The following SEC24B variants were observed in gnomAD, a reference collection of about 807,000 sequenced individuals.
SEC24B encodes SEC24 homolog B, COPII component, also known as protein transport protein Sec24B.
Under a neutral mutation model 142.8 loss-of-function variants are expected in SEC24B, and 45 were observed. The observed-to-expected ratio is 0.32, with a 90% CI of 0.25 to 0.40. The LOEUF is 0.40. Among genes scored for constraint, SEC24B ranks in the 10% least tolerant of loss-of-function variants. The pLI is 1.00. For missense variants in SEC24B, 1,409 were observed against 1,526.8 expected (o/e 0.92, Z 1.29); for synonymous variants, 574 against 568.2 (o/e 1.01, Z -0.15).
intron 1 of SEC24B, among the ~76,000 whole-genome samples, chr4:109,458,806 G>C (rs1232038308): frequency 6.6e-6 from 1 of 150,882 alleles, no homozygotes; most frequent in Non-Finnish European, 1.5e-5. Context: ...GGAAGATTAA[G>C]ATGATTTTTA....
chr4:109,502,014 T>C (rs1008872164), intron 6 of SEC24B, among the ~76,000 whole-genome samples: 3 of 152,236 alleles, frequency 2.0e-5, no homozygotes, highest in African/African-American at 7.2e-5. Flanking sequence ...AAGTAGTTTC[T>C]GGGGTGAAAA....
rs190947614 is a variant in SEC24B at position 109,527,543 on chromosome 4, C to T, written c.3076+111C>T. 1.5e-3 allele frequency: 1,129 copies of T among 739,404 alleles called. 8 individuals carry two copies. The highest frequency in any genetic ancestry group is 7.5e-3 in the African/African-American group (427 of 56,714). 45.8% of individuals were successfully genotyped at this position (739,404 alleles called of 1,614,324 possible). A position where few individuals can be genotyped will look rare whatever the true frequency, so the allele number is the denominator to read the frequency against. Reference sequence around the variant, plus strand: ...ATCCCAGCATTTTGGGAGGCTGAGGCGGACGGACCACGAGGTCAGGAGTTT... The same window carrying T: ...ATCCCAGCATTTTGGGAGGCTGAGGTGGACGGACCACGAGGTCAGGAGTTT... On this transcript the variant is annotated intron_variant, in intron 18 of 23. Transcript: ENST00000265175.
chr4:109,470,269 T>C (rs1732375742), intron 2 of SEC24B, among the ~76,000 whole-genome samples: 7 of 152,242 alleles, frequency 4.6e-5, no homozygotes, highest in Admixed American at 4.6e-4. Context: ...CCTCAAACTA[T>C]ACATCTGTGT....
chr4:109,499,878 G>A (rs1030375652), intron 6 of SEC24B, among the ~76,000 whole-genome samples: 1 of 152,100 alleles, frequency 6.6e-6, no homozygotes, highest in Non-Finnish European at 1.5e-5. Context: ...AAAAACAAAA[G>A]TTAACTGTAA....
chr4:109,533,586 T>C lies in SEC24B; in HGVS notation c.3496-7T>C. ...AGTTTTAATATTTTGTTGCTTTTTC[T>C]TTTTAGGTTTTTTACATTTGGGTTG... On this transcript the variant is annotated splice_region_variant and splice_polypyrimidine_tract_variant and intron_variant, in intron 21 of 23. Transcript: ENST00000265175. 1 of 1,593,846 alleles carries C rather than the reference T, an allele frequency of 6.3e-7. No homozygotes were observed. The highest frequency in any genetic ancestry group is 1.1e-5 in the South Asian group (1 of 89,650).
intron 1 of SEC24B, among the ~76,000 whole-genome samples, chr4:109,448,211 A>G (rs1729661627): frequency 1.3e-5 from 2 of 152,154 alleles, no homozygotes; most frequent in Non-Finnish European, 2.9e-5. Context: ...AGATTAGGAT[A>G]TGGACATATG....
At chr4:109,497,677 A>AG (rs1020553241) in intron 6 of SEC24B, among the ~76,000 whole-genome samples, 5 of 152,018 alleles carry the variant, frequency 3.3e-5, no homozygotes, top group African/African-American at 1.2e-4. Flanking sequence ...GTGGTACTCA[A>AG]TCATGTGAAT....
intron 13 of SEC24B, 84 bp from the exon 14 acceptor site, chr4:109,521,336 C>A: frequency 8.3e-7 from 1 of 1,210,424 alleles, no homozygotes; most frequent in Non-Finnish European, 1.2e-6. Context: ...AATACAGTGA[C>A]ACATGATACA....
intron 8 of SEC24B, among the ~76,000 whole-genome samples, chr4:109,510,682 T>C (rs1737223589): frequency 6.6e-6 from 1 of 152,226 alleles, no homozygotes; most frequent in African/African-American, 2.4e-5. Flanking sequence ...AAATAACCTT[T>C]GTAACAGTAG....
chr4:109,537,675 A>T (rs1435283517), intron 22 of SEC24B, among the ~76,000 whole-genome samples: 1 of 152,196 alleles, frequency 6.6e-6, no homozygotes, highest in Non-Finnish European at 1.5e-5. Flanking sequence ...AAAGAAGAAG[A>T]ATACAGCCTG....
chr4:109,434,842 C>T (rs1481231275), intron 1 of SEC24B, among the ~76,000 whole-genome samples: 1 of 152,158 alleles, frequency 6.6e-6, no homozygotes, highest in African/African-American at 2.4e-5. Context: ...AGCACGAAAG[C>T]CGCTTTCATA....
chr4:109,467,794 C>T (rs1732106761), intron 2 of SEC24B, among the ~76,000 whole-genome samples: 1 of 152,074 alleles, frequency 6.6e-6, no homozygotes, highest in Non-Finnish European at 1.5e-5. Flanking sequence ...TTAATAAGGA[C>T]CACATCTTGA....
At chr4:109,506,015 A>T (rs1736648505) in intron 6 of SEC24B, among the ~76,000 whole-genome samples, 1 of 152,206 alleles carries the variant, frequency 6.6e-6, no homozygotes, top group Non-Finnish European at 1.5e-5. Flanking sequence ...GGGGGAGGGG[A>T]ACCTTGAGAA....
chr4:109,436,040 C>T (rs1011779796), intron 1 of SEC24B, among the ~76,000 whole-genome samples: 1 of 152,048 alleles, frequency 6.6e-6, no homozygotes, highest in African/African-American at 2.4e-5. Flanking sequence ...CCGAAAGGAG[C>T]AGGTTAAAAG....
At chr4:109,521,394 T>C in intron 13 of SEC24B, 26 bp from the exon 14 acceptor site, 1 of 1,570,954 alleles carries the variant, frequency 6.4e-7, no homozygotes, top group East Asian at 2.2e-5. Flanking sequence ...TCTCAGTAAT[T>C]CAATTTTTGA....
intron 1 of SEC24B, chr4:109,451,210 A>G (rs1034610359): frequency 1.3e-5 from 2 of 152,166 alleles, no homozygotes; most frequent in Admixed American, 6.5e-5. Context: ...TATTTGGGCT[A>G]TAATCCAATG....
intron 1 of SEC24B, among the ~76,000 whole-genome samples, chr4:109,442,008 C>G (rs1294595392): frequency 6.6e-6 from 1 of 152,152 alleles, no homozygotes; most frequent in Non-Finnish European, 1.5e-5. Flanking sequence ...CCTAGGATAT[C>G]CAGATGTAAT....
intron 3 of SEC24B, among the ~76,000 whole-genome samples, chr4:109,480,590 C>T (rs1467319566): frequency 6.6e-6 from 1 of 152,194 alleles, no homozygotes; most frequent in African/African-American, 2.4e-5. Context: ...AGGCGATTCT[C>T]CTGCCCCAGC....
At chr4:109,464,174 G>C (rs369358424) in intron 2 of SEC24B, among the ~76,000 whole-genome samples, 2 of 152,274 alleles carry the variant, frequency 1.3e-5, no homozygotes, top group South Asian at 2.1e-4. Flanking sequence ...GCTGAAAGAT[G>C]GGGAAGGGAA....
Sources: gnomAD v4.1 joint callset for allele counts (sites outside exome capture counted in the v4.1 genomes callset) on GRCh38, gnomAD v4.1.1 for gene constraint, MANE v1.5 for transcripts, NCBI Gene and HGNC (gene_info 2026-07-23, HGNC 2026-07-21) for gene names.